Variants in LOC400499 observed in about 807,000 individuals in gnomAD.
chr16:11,502,564 A>G, the LOC400499 span, among the ~76,000 whole-genome samples: 13 of 152,078 alleles, frequency 8.5e-5, no homozygotes, highest in Non-Finnish European at 1.6e-4. Flanking sequence ...GAGTCTTAGC[A>G]TATTTCAAAT....
chr16:11,404,843 C>A, the LOC400499 span: 1 of 398,998 alleles, frequency 2.5e-6, no homozygotes, highest in Non-Finnish European at 4.4e-6. Context: ...TCTGCAGGAA[C>A]AGCTCCCTGG....
At chr16:11,450,655 C>T in the LOC400499 span, 23 of 1,536,130 alleles carry the variant, frequency 1.5e-5, no homozygotes, top group Non-Finnish European at 1.7e-5. Flanking sequence ...CTTGCCTTCC[C>T]TGTTGGGGCC....
At chr16:11,451,316 A>G in the LOC400499 span, among the ~76,000 whole-genome samples, 1 of 152,226 alleles carries the variant, frequency 6.6e-6, no homozygotes, top group African/African-American at 2.4e-5. Context: ...GCAGTGGCTC[A>G]TGCCTGTAAT....
chr16:11,468,679 A>G, the LOC400499 span, among the ~76,000 whole-genome samples: 4 of 151,936 alleles, frequency 2.6e-5, no homozygotes, highest in African/African-American at 9.7e-5. Context: ...CCAGGCTGGA[A>G]TGCAGTGGCA....
the LOC400499 span, among the ~76,000 whole-genome samples, chr16:11,398,157 G>A: frequency 7.2e-5 from 11 of 152,168 alleles, no homozygotes; most frequent in African/African-American, 2.7e-4. Flanking sequence ...TCCTTCCTCA[G>A]ATGAAACACC....
At chr16:11,441,095 G>A in the LOC400499 span, 404 of 399,024 alleles carry the variant, frequency 1.0e-3, 1 homozygote, top group African/African-American at 7.7e-3. Flanking sequence ...GTGAGAACCA[G>A]GGGCACTGAG....
chr16:11,511,002 CTT>C, the LOC400499 span, among the ~76,000 whole-genome samples: 1 of 143,890 alleles, frequency 6.9e-6, no homozygotes, highest in Admixed American at 6.9e-5. Context: ...TGATGATTTT[CTT>C]TTTTTTTTTT....
the LOC400499 span, chr16:11,412,805 TC>T: frequency 7.5e-6 from 3 of 398,812 alleles, no homozygotes; most frequent in Non-Finnish European, 1.3e-5. Flanking sequence ...CAATGGTTCC[TC>T]CCCCGACTCC....
At chr16:11,383,951 G>A in the LOC400499 span, 124 of 1,231,944 alleles carry the variant, frequency 1.0e-4, no homozygotes, top group African/African-American at 1.8e-3. Context: ...GCGGGGAGCT[G>A]TCCCGGGCAG....
the LOC400499 span, chr16:11,485,119 G>T: frequency 3.0e-5 from 12 of 398,808 alleles, no homozygotes; most frequent in Admixed American, 4.8e-4. Flanking sequence ...TTCAGTCACA[G>T]GGGTGATGAT....
the LOC400499 span, chr16:11,516,252 G>A: frequency 3.0e-5 from 12 of 399,632 alleles, no homozygotes; most frequent in African/African-American, 2.3e-4. Flanking sequence ...GGACACAGGT[G>A]GGCCACACGC....
the LOC400499 span, among the ~76,000 whole-genome samples, chr16:11,405,752 C>G: frequency 6.6e-6 from 1 of 152,222 alleles, no homozygotes; most frequent in African/African-American, 2.4e-5. Context: ...CTTCTGCCAC[C>G]TGTAGGTCCC....
chr16:11,400,001 C>A, the LOC400499 span, among the ~76,000 whole-genome samples: 3 of 151,854 alleles, frequency 2.0e-5, no homozygotes, highest in African/African-American at 7.3e-5. Context: ...GCCCTGCCTA[C>A]CCCCATCTCT....
the LOC400499 span, chr16:11,485,069 C>T: frequency 2.5e-6 from 1 of 398,954 alleles, no homozygotes; most frequent in Non-Finnish European, 4.4e-6. Context: ...CAGCCGGAGC[C>T]CAAGCTGGGA....
chr16:11,443,397 G>A, the LOC400499 span: 2 of 429,802 alleles, frequency 4.7e-6, no homozygotes, highest in East Asian at 1.5e-4. Context: ...GGACGTGGAG[G>A]TTGCGGTGAG....
At chr16:11,446,732 C>A in the LOC400499 span, 1 of 1,534,970 alleles carries the variant, frequency 6.5e-7, no homozygotes, top group South Asian at 1.2e-5. Flanking sequence ...CCGGGCTATG[C>A]CCCAGACACA....
the LOC400499 span, among the ~76,000 whole-genome samples, chr16:11,479,050 G>A: frequency 6.6e-6 from 1 of 152,232 alleles, no homozygotes; most frequent in East Asian, 1.9e-4. Flanking sequence ...TTGGTAAATT[G>A]CCCAGTCCCT....
At chr16:11,428,875 C>T in the LOC400499 span, among the ~76,000 whole-genome samples, 2 of 151,076 alleles carry the variant, frequency 1.3e-5, no homozygotes, top group African/African-American at 2.4e-5. Context: ...GTGGGGGGCA[C>T]GTGGGTGTTT....
chr16:11,412,810 C>T, the LOC400499 span: 70,195 of 398,786 alleles, frequency 0.18, 6,723 homozygotes, highest in East Asian at 0.33. Flanking sequence ...GTTCCTCCCC[C>T]GACTCCTCTC....
Sources: allele counts gnomAD v4.1 joint callset (sites outside exome capture counted in the v4.1 genomes callset), GRCh38; gene constraint gnomAD v4.1.1; transcripts MANE v1.5.